Variants in CCND3 observed in about 807,000 individuals in gnomAD.
The protein encoded by CCND3 is G1/S-specific cyclin-D3.
In CCND3, 9 loss-of-function variants were observed where a neutral mutation model predicts 28.7. That is an observed-to-expected ratio of 0.31 (90% CI 0.19 to 0.55). The LOEUF is 0.55. CCND3 is among the 20% of genes least tolerant of loss of function. The probability of loss-of-function intolerance (pLI) is 0.93; values close to 1 mark genes in which losing one functional copy is unlikely to be tolerated. For missense variants in CCND3, 315 were observed against 385.8 expected (o/e 0.82, Z 1.54); for synonymous variants, 164 against 163.9 (o/e 1.00, Z 0.00).
At chr6:42,008,247 G>A (rs1046804347) in intron 1 of CCND3, among the ~76,000 whole-genome samples, 7 of 151,926 alleles carry the variant, frequency 4.6e-5, no homozygotes, top group African/African-American at 7.3e-5. Flanking sequence ...TGGGTGGGGC[G>A]GGCGCCTGTA....
rs752407699 is a variant in CCND3, at chr6:41,939,083, G to A, written c.414+1287C>T. The stretch of plus-strand genomic sequence containing the variant: ...CAAAAACATCTTGCTCTCTGGCCCT[G>A]GAAACTAGCTCCACCTTCAGACTTG... On this transcript the variant is annotated intron_variant, in intron 2 of 4. Transcript: ENST00000372991. This position sits in a 1 kb window ranked among gnomAD's most constrained non-coding sequence, Gnocchi z 4.2. 1.3e-5 allele frequency among the ~76,000 whole-genome samples: 2 copies of A among 152,148 alleles called. No homozygotes were observed.
intron 1 of CCND3, among the ~76,000 whole-genome samples, chr6:42,036,159 A>C (rs1255919654): frequency 2.7e-5 from 4 of 147,954 alleles, no homozygotes; most frequent in Non-Finnish European, 4.5e-5. Flanking sequence ...TGCCCAGCTA[A>C]TTCTTGTATT....
At chr6:41,971,694 C>A (rs888673636) in intron 1 of CCND3, among the ~76,000 whole-genome samples, 2 of 151,580 alleles carry the variant, frequency 1.3e-5, no homozygotes, top group African/African-American at 2.4e-5. Context: ...GGCGCTCCAC[C>A]ACGCCCAGCT....
intron 1 of CCND3, among the ~76,000 whole-genome samples, chr6:41,950,605 T>C (rs1202704662): frequency 6.6e-6 from 1 of 152,148 alleles, no homozygotes; most frequent in Non-Finnish European, 1.5e-5. Context: ...CTGTGGTCAT[T>C]AACAATCAGG....
At chr6:42,036,377 C>CTATATATATATATATATATATATATA (rs1162806893) in intron 1 of CCND3, among the ~76,000 whole-genome samples, 1 of 59,574 alleles carries the variant, frequency 1.7e-5, no homozygotes, top group African/African-American at 7.0e-5. Flanking sequence ...TGCATATATA[C>CTATATATATATATATATATATATATA]TATATATATA....
intron 1 of CCND3, chr6:42,047,906 G>C (rs892441772): frequency 1.3e-5 from 2 of 152,310 alleles, no homozygotes; most frequent in African/African-American, 2.4e-5. Context: ...CATATTAGCT[G>C]TGGATGAATA....
chr6:41,971,342 T>C (rs1020961498), intron 1 of CCND3, among the ~76,000 whole-genome samples: 1 of 152,144 alleles, frequency 6.6e-6, no homozygotes, highest in Non-Finnish European at 1.5e-5. Flanking sequence ...AGACTGGACT[T>C]GAACTCCTGG....
upstream of CCND3, among the ~76,000 whole-genome samples, chr6:41,946,041 C>A (rs1218970964): frequency 6.6e-6 from 1 of 152,122 alleles, no homozygotes; most frequent in Non-Finnish European, 1.5e-5. Context: ...ACGGTAAACG[C>A]ATGGTCTAGC....
chr6:42,044,576 T>A (rs1356577527), intron 1 of CCND3, among the ~76,000 whole-genome samples: 1 of 152,142 alleles, frequency 6.6e-6, no homozygotes, highest in South Asian at 2.1e-4. Flanking sequence ...GTTAGAAAGT[T>A]CTACGTTTTT....
Position 41,938,451 on chromosome 6 carries a change from C to G in CCND3, c.415-1057G>C, listed in dbSNP as rs919371667. On this transcript the variant is annotated intron_variant, in intron 2 of 4. Transcript: ENST00000372991. The surrounding 1 kb of genome is among the most constrained non-coding windows in gnomAD (Gnocchi z 4.6). ...AGAGCCCCAGAGAAAATAGCCTGGC[C>G]TGGAGCCAGAAGTGAGACAGATAAA... Among the ~76,000 whole-genome samples the G allele has an allele frequency of 6.6e-6, 1 of 152,182 alleles. No homozygotes were observed. Among genetic ancestry groups the G allele is most frequent in the Non-Finnish European group, 1.5e-5 (1 of 68,032 alleles).
At chr6:42,026,123 T>A (rs7753265) in intron 1 of CCND3, among the ~76,000 whole-genome samples, 4 of 151,918 alleles carry the variant, frequency 2.6e-5, no homozygotes, top group Admixed American at 6.6e-5. Context: ...AGGTCTCGTT[T>A]GAAAATAAAC....
rs1313382415 is a variant in CCND3, at chr6:41,951,571, CACACAAAA to C, written c.-45-10994_-45-10987del. 2.2e-3 allele frequency among the ~76,000 whole-genome samples: 174 copies of C among 78,628 alleles called. 5 individuals carry two copies. In the South Asian group the frequency reaches 0.083, roughly 37 times the overall value. 51.6% of individuals were successfully genotyped at this position (78,628 alleles called of 152,430 possible). A position where few individuals can be genotyped will look rare whatever the true frequency, so the allele number is the denominator to read the frequency against. On this transcript the variant is annotated intron_variant, in intron 1 of 4. Transcript: ENST00000372988. The stretch of plus-strand genomic sequence containing the variant: ...ACACACACACACACACACACACACA[CACACAAAA>C]AAAAAGATTAAGTGGGAGTAAGAAG...
intron 1 of CCND3, among the ~76,000 whole-genome samples, chr6:42,022,565 A>C (rs1763743791): frequency 6.6e-6 from 1 of 152,226 alleles, no homozygotes. Context: ...CTATTTATTT[A>C]CTTCCTTTGA....
intron 1 of CCND3, among the ~76,000 whole-genome samples, chr6:41,979,641 CTCTATA>C (rs766774424): frequency 0.11 from 9,693 of 89,422 alleles, 372 homozygotes; most frequent in Non-Finnish European, 0.13. Context: ...CTCTCTCTCT[CTCTATA>C]TATATATATG....
intron 1 of CCND3, among the ~76,000 whole-genome samples, chr6:42,038,485 A>C (rs1764288430): frequency 6.6e-6 from 1 of 151,654 alleles, no homozygotes; most frequent in Admixed American, 6.6e-5. Context: ...AGCTGCAGTG[A>C]GCTGAGACTG....
At position 42,013,586 on chromosome 6, in the gene CCND3, C is replaced by T. The variant is rs138206386; in HGVS notation, c.-46+34915G>A. 2.0e-5 allele frequency among the ~76,000 whole-genome samples: 3 copies of T among 152,340 alleles called. No homozygotes were observed. In the East Asian group the frequency reaches 5.8e-4, roughly 29 times the overall value. On this transcript the variant is annotated intron_variant, in intron 1 of 4. Transcript: ENST00000372988. ...ATTTCTATAATTTATTTGTAATTCA[C>T]ACCCAGTCTTCTAACAAGAGAGGTT...
chr6:42,007,109 T>A (rs1385950512), intron 1 of CCND3, among the ~76,000 whole-genome samples: 1 of 152,152 alleles, frequency 6.6e-6, no homozygotes, highest in African/African-American at 2.4e-5. Flanking sequence ...TGTATATATA[T>A]ACCTACATAC....
At chr6:41,956,611 A>G (rs1776443120) in intron 1 of CCND3, among the ~76,000 whole-genome samples, 1 of 152,254 alleles carries the variant, frequency 6.6e-6, no homozygotes, top group Admixed American at 6.5e-5. Flanking sequence ...GGAATCTGAT[A>G]GCATGATCTA....
chr6:41,998,771 C>T (rs546663129), intron 1 of CCND3, among the ~76,000 whole-genome samples: 121 of 152,020 alleles, frequency 8.0e-4, no homozygotes, highest in African/African-American at 2.8e-3. Context: ...CCTCTGTCTC[C>T]GGGGTTCAAG....
Sources: allele counts gnomAD v4.1 joint callset (sites outside exome capture counted in the v4.1 genomes callset), GRCh38; gene constraint gnomAD v4.1.1; non-coding constraint Gnocchi (gnomAD v3.1); transcripts MANE v1.5; gene names NCBI Gene and HGNC (gene_info 2026-07-23, HGNC 2026-07-21).